Variants in CDKAL1 observed in about 807,000 individuals in gnomAD.
CDKAL1 encodes the protein threonylcarbamoyladenosine tRNA methylthiotransferase.
CDKAL1 carries 32 observed loss-of-function variants against 68.2 expected under a neutral mutation model. The ratio of observed to expected loss-of-function variants is 0.47; its 90% CI spans 0.35 to 0.63. The LOEUF (loss-of-function observed/expected upper bound fraction) is 0.63, where lower values mean the gene tolerates loss of function less well. CDKAL1 is among the 30% of genes least tolerant of loss of function. CDKAL1 has a pLI of 0.00. For missense variants in CDKAL1, 606 were observed against 696.7 expected (o/e 0.87, Z 1.47); for synonymous variants, 234 against 244.3 (o/e 0.96, Z 0.39).
At chr6:20,975,181 C>T (rs766493626) in intron 10 of CDKAL1, among the ~76,000 whole-genome samples, 1 of 152,072 alleles carries the variant, frequency 6.6e-6, no homozygotes, top group Non-Finnish European at 1.5e-5. Context: ...TTTGGCCATC[C>T]GGCTAACTAC....
At chr6:20,644,280 C>T (rs77316157) in intron 4 of CDKAL1, among the ~76,000 whole-genome samples, 4 of 152,106 alleles carry the variant, frequency 2.6e-5, no homozygotes, top group African/African-American at 9.6e-5. Flanking sequence ...ATCCTGATTG[C>T]CTATTGTTTG....
At position 20,873,650 on chromosome 6, in the gene CDKAL1, A is replaced by G. The variant is rs1416277633; in HGVS notation, c.742+27472A>G. Among the ~76,000 whole-genome samples, 6 of 152,316 alleles carry G rather than the reference A, an allele frequency of 3.9e-5. 1 individual carries two copies. Among genetic ancestry groups the G allele is most frequent in the African/African-American group, 1.4e-4 (6 of 41,580 alleles). On this transcript the variant is annotated intron_variant, in intron 9 of 15. Transcript: ENST00000274695. The stretch of plus-strand genomic sequence containing the variant: ...ATAATCAGTATTTAGAATAGGGGCC[A>G]TTAGAGATACTTGCAGGAGGGCCAT...
rs79940901 is a variant in CDKAL1 at position 20,781,565 on chromosome 6, T to A, written c.638+300T>A. Among the ~76,000 whole-genome samples, 15 of 152,338 alleles carry A rather than the reference T, an allele frequency of 9.8e-5. No individual in the cohort carries two copies. The East Asian group carries it at 2.9e-3, about 29-fold the overall frequency. On this transcript the variant is annotated intron_variant, in intron 8 of 15. Coordinates refer to ENST00000274695, the MANE Select transcript of CDKAL1 (RefSeq NM_017774.3). ...ATCTTTGAAAAAAGTAGCACTTTAT[T>A]TTGTTGAATGATTAAGACACTTGTC...
intron 12 of CDKAL1, among the ~76,000 whole-genome samples, chr6:21,068,174 C>G (rs1282583843): frequency 6.6e-6 from 1 of 152,084 alleles, no homozygotes; most frequent in Non-Finnish European, 1.5e-5. Flanking sequence ...CCTACCTTTT[C>G]TCTTCATGGT....
At chr6:20,900,643 C>G (rs557436742) in intron 9 of CDKAL1, among the ~76,000 whole-genome samples, 1 of 152,318 alleles carries the variant, frequency 6.6e-6, no homozygotes, top group East Asian at 1.9e-4. Context: ...AGATATGTCA[C>G]TTTTAAGCAA....
At chr6:20,713,703 T>A (rs1212082853) in intron 5 of CDKAL1, among the ~76,000 whole-genome samples, 1 of 152,178 alleles carries the variant, frequency 6.6e-6, no homozygotes, top group African/African-American at 2.4e-5. Context: ...CTTTTTTTTC[T>A]TGTTAAAAAC....
chr6:20,780,032 T>C (rs1775346647), intron 7 of CDKAL1, among the ~76,000 whole-genome samples: 1 of 150,638 alleles, frequency 6.6e-6, no homozygotes, highest in East Asian at 1.9e-4. Flanking sequence ...GAGGACTGCT[T>C]GAGCCCAGGA....
At chr6:21,195,568 T>G (rs949340361) in intron 13 of CDKAL1, among the ~76,000 whole-genome samples, 1 of 151,484 alleles carries the variant, frequency 6.6e-6, no homozygotes, top group African/African-American at 2.4e-5. Flanking sequence ...TGGAATGCAG[T>G]AGAATGATCA....
At chr6:21,158,183 AGTG>A (rs1259281443) in intron 13 of CDKAL1, among the ~76,000 whole-genome samples, 1 of 152,202 alleles carries the variant, frequency 6.6e-6, no homozygotes, top group African/African-American at 2.4e-5. Context: ...TACGCATGTT[AGTG>A]AACTGGTTTC....
rs528513234 is a variant in CDKAL1, at chr6:21,009,780, A to G, written c.1055+9408A>G. ...ATACCGCGTGTTCTCACTCATATGC[A>G]GGAGCTAAAAAATTGATCTCATGGA... On this transcript the variant is annotated intron_variant, in intron 11 of 15. Coordinates refer to ENST00000274695, the MANE Select transcript of CDKAL1 (RefSeq NM_017774.3). Among the ~76,000 whole-genome samples, 935 of 152,338 alleles carry G rather than the reference A, an allele frequency of 6.1e-3. 9 individuals are homozygous for G. Among genetic ancestry groups the G allele is most frequent in the Non-Finnish European group, 0.01 (710 of 68,030 alleles).
intron 8 of CDKAL1, among the ~76,000 whole-genome samples, chr6:20,799,572 G>A (rs911589554): frequency 3.3e-5 from 5 of 152,070 alleles, no homozygotes; most frequent in African/African-American, 9.7e-5. Context: ...AAAATTTAAC[G>A]TATGATTTTC....
chr6:21,231,048 T>A lies in CDKAL1; in HGVS notation c.*9T>A. On this transcript the variant is annotated 3_prime_UTR_variant, in exon 16 of 16. Transcript: ENST00000274695. ...TCAAGGTCTATAATTAGAATACAAC[T>A]AATGGAAACATCTATAAAGAAGAAT... is the stretch of plus-strand genomic sequence containing the variant. The A allele has an allele frequency of 1.3e-6, 2 of 1,567,264 alleles. No homozygotes were observed. The highest frequency in any genetic ancestry group is 1.7e-6 in the Non-Finnish European group (2 of 1,147,106).
intron 13 of CDKAL1, among the ~76,000 whole-genome samples, chr6:21,130,062 T>C (rs1775222587): frequency 6.6e-6 from 1 of 152,044 alleles, no homozygotes; most frequent in Non-Finnish European, 1.5e-5. Context: ...TTTTTTGTTG[T>C]TGTTGGTTTT....
intron 4 of CDKAL1, among the ~76,000 whole-genome samples, chr6:20,631,516 C>T (rs1014999086): frequency 1.3e-5 from 2 of 152,160 alleles, no homozygotes; most frequent in African/African-American, 4.8e-5. Context: ...TCTAGTCAGT[C>T]AGTAAGTTCT....
At chr6:21,158,501 G>A (rs1021127982) in intron 13 of CDKAL1, among the ~76,000 whole-genome samples, 1 of 152,210 alleles carries the variant, frequency 6.6e-6, no homozygotes, top group Non-Finnish European at 1.5e-5. Flanking sequence ...TCATGATGAA[G>A]CTCCAAGCCA....
chr6:20,900,549 CT>C (rs1761912789), intron 9 of CDKAL1, among the ~76,000 whole-genome samples: 1 of 152,204 alleles, frequency 6.6e-6, no homozygotes, highest in Non-Finnish European at 1.5e-5. Flanking sequence ...AAAAAGGCTG[CT>C]GTTAAACTTA....
intron 4 of CDKAL1, among the ~76,000 whole-genome samples, chr6:20,648,146 G>C (rs542817318): frequency 7.5e-6 from 1 of 133,340 alleles, no homozygotes; most frequent in Admixed American, 7.6e-5. Context: ...TTTTTTTTTA[G>C]ATGGAGTCTT....
At chr6:20,875,125 C>T (rs1234896627) in intron 9 of CDKAL1, among the ~76,000 whole-genome samples, 1 of 151,128 alleles carries the variant, frequency 6.6e-6, no homozygotes, top group African/African-American at 2.4e-5. Flanking sequence ...AGGTGAAACC[C>T]CGTCTCTACT....
chr6:21,205,928 G>A (rs1280294556), intron 15 of CDKAL1, among the ~76,000 whole-genome samples: 10 of 139,356 alleles, frequency 7.2e-5, no homozygotes, highest in African/African-American at 2.5e-4. Flanking sequence ...TCCGCCTCCC[G>A]GGTTCACGCC....
Sources: gnomAD v4.1 joint callset for allele counts (sites outside exome capture counted in the v4.1 genomes callset) on GRCh38, gnomAD v4.1.1 for gene constraint, MANE v1.5 for transcripts, NCBI Gene and HGNC (gene_info 2026-07-23, HGNC 2026-07-21) for gene names.